NPHS1: variants seen among roughly 807,000 people sequenced by gnomAD.
The protein encoded by NPHS1 is NPHS1 adhesion molecule, nephrin.
Under a neutral mutation model 139.7 loss-of-function variants are expected in NPHS1, and 107 were observed. The observed-to-expected ratio is 0.77, with a 90% CI of 0.66 to 0.90. The LOEUF (loss-of-function observed/expected upper bound fraction) is 0.90. Ranked by LOEUF, NPHS1 falls within the 40% of genes least tolerant of loss-of-function variation. The probability of loss-of-function intolerance (pLI) is 0.00; values close to 1 mark genes in which losing one functional copy is unlikely to be tolerated. For missense variants in NPHS1, 1,580 were observed against 1,654.2 expected (o/e 0.96, Z 0.78); for synonymous variants, 707 against 706.6 (o/e 1.00, Z -0.01).
At chr19:35,848,002 C>G in intron 11 of NPHS1, 39 bp downstream of exon 11, 4 of 1,609,176 alleles carry the variant, frequency 2.5e-6, no homozygotes, top group Non-Finnish European at 3.4e-6. Flanking sequence ...CCTTCCCCCA[C>G]ATTCCTGGCC....
Position 35,834,045 on chromosome 19 carries a change from A to C in NPHS1, c.3166+1660T>G, listed in dbSNP as rs533300652. ...TTGACAAAACAGCTGCATTTCTGTCACTTGCAACCTTTTTCTCGGGCTCTG... is the reference window on the plus strand; with the variant it reads ...TTGACAAAACAGCTGCATTTCTGTCCCTTGCAACCTTTTTCTCGGGCTCTG... On this transcript the variant is annotated intron_variant, in intron 23 of 28. Transcript: ENST00000378910. Among the ~76,000 whole-genome samples, 22 of 151,374 alleles carry C rather than the reference A, an allele frequency of 1.5e-4. No homozygotes were observed. The South Asian group carries it at 4.2e-3, about 29-fold the overall frequency.
At chr19:35,830,755 C>T in intron 28 of NPHS1, 89 bp downstream of exon 28, 1 of 847,896 alleles carries the variant, frequency 1.2e-6, no homozygotes, top group Admixed American at 1.7e-5. Context: ...TTTGTTACAG[C>T]AGCTAGCTGG....
chr19:35,848,164 A>T lies in NPHS1; in HGVS notation c.1317T>A (p.Tyr439Ter), dbSNP rs776391938. ...FKKSLILNVK[Y>*]PAQKLWIEGP... ...CCTCAATCCACAGTTTCTGGGCGGG[A>T]TCTGGCGGGGAGAGGAAGGAAGAAT... Residue 439 changes from tyrosine to a stop codon, truncating the protein, a stop_gained and splice_region_variant, in exon 11 of 29, where the codon TAT becomes TAA. Coordinates refer to ENST00000378910, the MANE Select transcript of NPHS1 (RefSeq NM_004646.4). LOFTEE classifies it high-confidence loss of function. 1 of 1,614,056 alleles carries T rather than the reference A, an allele frequency of 6.2e-7. No individual in the cohort carries two copies. Among genetic ancestry groups the T allele is most frequent in the Non-Finnish European group, 8.5e-7 (1 of 1,180,030 alleles).
At chr19:35,838,358 G>T (rs1418856723) in intron 22 of NPHS1, among the ~76,000 whole-genome samples, 2 of 152,046 alleles carry the variant, frequency 1.3e-5, no homozygotes, top group Non-Finnish European at 2.9e-5. Context: ...TTCAAGACCA[G>T]CCTGGCCAAC....
intron 20 of NPHS1, 95 bp from the exon 21 acceptor site, chr19:35,839,702 A>C: frequency 3.2e-6 from 3 of 952,318 alleles, no homozygotes; most frequent in Non-Finnish European, 3.3e-6. Context: ...TAAATATACA[A>C]TCGCTTCTCA....
chr19:35,831,847 A>C, intron 23 of NPHS1, 85 bp from the exon 24 acceptor site: 2 of 1,404,526 alleles, frequency 1.4e-6, no homozygotes, highest in Middle Eastern at 2.4e-4. Flanking sequence ...TGTAGCCCTG[A>C]CCAAGTCCCT....
intron 11 of NPHS1, among the ~76,000 whole-genome samples, chr19:35,847,068 C>A (rs1352917814): frequency 6.6e-6 from 1 of 150,976 alleles, no homozygotes; most frequent in Non-Finnish European, 1.5e-5. Flanking sequence ...TTTTTTGAGA[C>A]GGAGTCTCCC....
At chr19:35,828,838 T>C (rs1487764820) in intron 28 of NPHS1, among the ~76,000 whole-genome samples, 2 of 152,240 alleles carry the variant, frequency 1.3e-5, no homozygotes, top group African/African-American at 4.8e-5. Flanking sequence ...ATCTACGCTT[T>C]AGAGAGTGCA....
chr19:35,835,199 C>CAAAAAAAAAAAAAAAAAAA (rs71167570), intron 23 of NPHS1, among the ~76,000 whole-genome samples: 3 of 71,204 alleles, frequency 4.2e-5, no homozygotes, highest in African/African-American at 5.3e-5. Context: ...GACTCTGTCT[C>CAAAAAAAAAAAAAAAAAAA]AAAAAAAAAA....
intron 3 of NPHS1, 59 bp from the exon 4 acceptor site, chr19:35,851,148 G>T (rs1973241873): frequency 6.2e-7 from 1 of 1,613,586 alleles, no homozygotes; most frequent in African/African-American, 1.3e-5. Flanking sequence ...GAAGATTGGA[G>T]TTCGGTACCC....
intron 22 of NPHS1, 26 bp from the exon 23 acceptor site, chr19:35,835,787 A>G (rs1447196367): frequency 6.3e-7 from 1 of 1,599,282 alleles, no homozygotes; most frequent in East Asian, 2.2e-5. Context: ...ACAGATTGTG[A>G]CTTAACACTA....
In NPHS1 at chr19:35,847,537, G is replaced by A. The variant is rs182937358; in HGVS notation, c.1440+504C>T. Among the ~76,000 whole-genome samples the A allele has an allele frequency of 3.6e-3, 542 of 150,776 alleles. 3 individuals carry two copies. The highest frequency in any genetic ancestry group is 0.012 in the African/African-American group (512 of 41,050). ...GCCCAGCTAATTTTTTGTATTTTTA[G>A]TAGAGACAGGGTTTCTCCATGTTGG... On this transcript the variant is annotated intron_variant, in intron 11 of 28. Coordinates refer to ENST00000378910, the MANE Select transcript of NPHS1 (RefSeq NM_004646.4).
At chr19:35,837,050 GAAAGA>G (rs1333640659) in intron 22 of NPHS1, among the ~76,000 whole-genome samples, 2 of 128,638 alleles carry the variant, frequency 1.6e-5, no homozygotes, top group Admixed American at 1.5e-4. Context: ...AAGAAAGAAA[GAAAGA>G]AAGAAAGAAA....
At chr19:35,826,727 G>T in intron 28 of NPHS1, 82 bp from the exon 29 acceptor site, 2 of 1,494,284 alleles carry the variant, frequency 1.3e-6, no homozygotes, top group Non-Finnish European at 1.9e-6. Flanking sequence ...ACATGCCCCT[G>T]CTTAACTTCC....
At chr19:35,838,955 TTA>T (rs759288457) in intron 22 of NPHS1, among the ~76,000 whole-genome samples, 1 of 152,366 alleles carries the variant, frequency 6.6e-6, no homozygotes, top group African/African-American at 2.4e-5. Flanking sequence ...CCTCAAATTT[TTA>T]TATGTTTTCA....
chr19:35,834,805 A>C (rs1319878546), intron 23 of NPHS1, among the ~76,000 whole-genome samples: 1 of 150,856 alleles, frequency 6.6e-6, no homozygotes, highest in African/African-American at 2.4e-5. Flanking sequence ...GCAGGAGAGG[A>C]AGCCGGGAGG....
At chr19:35,836,937 A>C (rs1972969384) in intron 22 of NPHS1, among the ~76,000 whole-genome samples, 1 of 149,458 alleles carries the variant, frequency 6.7e-6, no homozygotes, top group South Asian at 2.2e-4. Context: ...CAGAGGTTGC[A>C]GTGAGCCGAG....
chr19:35,827,667 C>A (rs1972815857), intron 28 of NPHS1, among the ~76,000 whole-genome samples: 1 of 152,100 alleles, frequency 6.6e-6, no homozygotes, highest in Non-Finnish European at 1.5e-5. Flanking sequence ...GCCTGTAATC[C>A]TAGCATTTTG....
intron 28 of NPHS1, among the ~76,000 whole-genome samples, chr19:35,828,887 G>C (rs538491157): frequency 6.6e-6 from 1 of 152,218 alleles, no homozygotes; most frequent in Non-Finnish European, 1.5e-5. Context: ...GCGCCATGCT[G>C]GTGAGGAGCT....
Sources: allele counts gnomAD v4.1 joint callset (sites outside exome capture counted in the v4.1 genomes callset), GRCh38; gene constraint gnomAD v4.1.1; transcripts MANE v1.5; gene names NCBI Gene and HGNC (gene_info 2026-07-23, HGNC 2026-07-21).